The following MID1 variants were observed in gnomAD, a reference collection of about 807,000 sequenced individuals.
MID1 encodes the protein E3 ubiquitin-protein ligase Midline-1.
In MID1, 7 loss-of-function variants were observed where a neutral mutation model predicts 40.4. The ratio of observed to expected loss-of-function variants is 0.17; its 90% CI spans 0.10 to 0.33. The LOEUF (loss-of-function observed/expected upper bound fraction) is 0.33. Ranked by LOEUF, MID1 falls within the 10% of genes least tolerant of loss-of-function variation. The pLI, the probability that MID1 is intolerant of heterozygous loss-of-function variation, is 1.00. For synonymous variants in MID1, 229 were observed against 221.2 expected (o/e 1.04, Z -0.31); for missense variants, 367 against 558.5 (o/e 0.66, Z 3.46).
intron 1 of MID1, among the ~76,000 whole-genome samples, chrX:10,572,082 G>A (rs1934741371): frequency 2.8e-5 from 3 of 105,813 alleles, no homozygotes; most frequent in African/African-American, 1.0e-4. Context: ...GGAATTTTAT[G>A]CAAAATGTTA....
chrX:10,706,330 G>A (rs945267938), intron 1 of MID1, among the ~76,000 whole-genome samples: 18 of 110,897 alleles, frequency 1.6e-4, no homozygotes, highest in African/African-American at 5.9e-4. Flanking sequence ...TGTCTTTCTA[G>A]AAAAGTAAAA....
chrX:10,749,863 A>G (rs774673093), intron 1 of MID1, among the ~76,000 whole-genome samples: 2 of 111,714 alleles, frequency 1.8e-5, no homozygotes, highest in East Asian at 5.6e-4. Context: ...GTCCACCCTC[A>G]TGATCCAGTT....
At chrX:10,736,943 G>T (rs1179467512) in intron 1 of MID1, among the ~76,000 whole-genome samples, 3 of 111,598 alleles carry the variant, frequency 2.7e-5, no homozygotes, top group Non-Finnish European at 1.9e-5. Flanking sequence ...ATTTGTATGT[G>T]TATGTGCACA....
At chrX:10,681,061 T>TAAG (rs2043057139) in intron 1 of MID1, among the ~76,000 whole-genome samples, 1 of 104,468 alleles carries the variant, frequency 9.6e-6, no homozygotes, top group Non-Finnish European at 1.9e-5. Context: ...ATAATAATAA[T>TAAG]AATAATAATA....
intron 1 of MID1, among the ~76,000 whole-genome samples, chrX:10,610,704 A>G (rs186653492): frequency 4.3e-4 from 48 of 111,866 alleles, no homozygotes; most frequent in Admixed American, 1.8e-3. Flanking sequence ...GCAGCTTGGG[A>G]ATGACGATGT....
chrX:10,726,026 G>A (rs2043388169), intron 1 of MID1, among the ~76,000 whole-genome samples: 1 of 112,209 alleles, frequency 8.9e-6, no homozygotes, highest in Non-Finnish European at 1.9e-5. Flanking sequence ...AATGGAACAA[G>A]GTAGAAGTTT....
At chrX:10,780,436 G>A (rs772031325) in intron 1 of MID1, among the ~76,000 whole-genome samples, 11 of 111,831 alleles carry the variant, frequency 9.8e-5, no homozygotes, top group Non-Finnish European at 2.1e-4. Flanking sequence ...GGGTGTGGAG[G>A]TGTGGAGAAT....
Position 10,642,069 on chromosome X carries a change from G to A in MID1, c.-186-21650C>T, listed in dbSNP as rs768098173. 2.1e-3 allele frequency among the ~76,000 whole-genome samples: 232 copies of A among 111,955 alleles called. 1 individual carries two copies. The highest frequency in any genetic ancestry group is 4.6e-3 in the Middle Eastern group (1 of 216). ...ACTTACAGCCAATATCATACTGAATGGGCAAAAACTGGACGCATTCCCTTT... is the reference window on the plus strand; with the variant it reads ...ACTTACAGCCAATATCATACTGAATAGGCAAAAACTGGACGCATTCCCTTT... On this transcript the variant is annotated intron_variant, in intron 1 of 10. Transcript: ENST00000380785.
At chrX:10,746,031 A>C (rs2043554646) in intron 1 of MID1, among the ~76,000 whole-genome samples, 1 of 111,969 alleles carries the variant, frequency 8.9e-6, no homozygotes, top group Admixed American at 9.5e-5. Flanking sequence ...ACGATGACTT[A>C]AGTCTGGGAG....
At chrX:10,810,696 CTGTG>C (rs370482398) in intron 1 of MID1, among the ~76,000 whole-genome samples, 24 of 101,089 alleles carry the variant, frequency 2.4e-4, no homozygotes, top group African/African-American at 5.4e-4. Flanking sequence ...GTTGTTTTCT[CTGTG>C]TGTGTGTGTG....
intron 4 of MID1, among the ~76,000 whole-genome samples, chrX:10,495,108 G>C (rs1248514657): frequency 9.0e-6 from 1 of 111,645 alleles, no homozygotes; most frequent in African/African-American, 3.3e-5. Flanking sequence ...TGAAACCCCA[G>C]GGGTTTTGGG....
intron 1 of MID1, among the ~76,000 whole-genome samples, chrX:10,670,202 A>T (rs191193085): frequency 1.8e-4 from 20 of 112,595 alleles, no homozygotes; most frequent in Admixed American, 1.5e-3. Context: ...TTAAATGTGA[A>T]TCTTTCTGTT....
intron 2 of MID1, among the ~76,000 whole-genome samples, chrX:10,556,757 C>G (rs147240968): frequency 1.8e-4 from 20 of 112,196 alleles, no homozygotes; most frequent in Non-Finnish European, 7.5e-5. Flanking sequence ...CTCATGGGTA[C>G]GCAACAACGT....
At chrX:10,646,628 C>T (rs753370330) in intron 1 of MID1, among the ~76,000 whole-genome samples, 4 of 111,256 alleles carry the variant, frequency 3.6e-5, no homozygotes, top group Admixed American at 9.6e-5. Flanking sequence ...TTGCATGTTG[C>T]CCAAAATGAG....
At chrX:10,516,484 G>A (rs1450508242) in intron 3 of MID1, among the ~76,000 whole-genome samples, 3 of 109,659 alleles carry the variant, frequency 2.7e-5, no homozygotes, top group African/African-American at 1.0e-4. Context: ...GTGAGCCACC[G>A]CACCTGGCCT....
chrX:10,715,936 A>G (rs182831294), intron 1 of MID1, among the ~76,000 whole-genome samples: 1 of 111,855 alleles, frequency 8.9e-6, no homozygotes, highest in African/African-American at 3.2e-5. Flanking sequence ...GGCAAACAGG[A>G]TCTGGAGTGG....
chrX:10,521,986 T>G (rs758048926), intron 3 of MID1, among the ~76,000 whole-genome samples: 1 of 111,468 alleles, frequency 9.0e-6, no homozygotes, highest in Non-Finnish European at 1.9e-5. Context: ...ACCACAGGTG[T>G]GTGCTCCCAC....
intron 3 of MID1, chrX:10,501,687 T>A: frequency 1.9e-6 from 1 of 526,362 alleles, no homozygotes; most frequent in Non-Finnish European, 3.0e-6. Flanking sequence ...AATGCTCATA[T>A]CTGCCACCAA....
intron 1 of MID1, among the ~76,000 whole-genome samples, chrX:10,786,687 A>G (rs2043886297): frequency 9.1e-6 from 1 of 109,694 alleles, no homozygotes; most frequent in Non-Finnish European, 1.9e-5. Context: ...TGAAGCTGGA[A>G]ACCATCATTC....
Sources: allele counts gnomAD v4.1 joint callset (sites outside exome capture counted in the v4.1 genomes callset), GRCh38; gene constraint gnomAD v4.1.1; transcripts MANE v1.5; gene names NCBI Gene and HGNC (gene_info 2026-07-23, HGNC 2026-07-21).